ROBO1: variants seen among roughly 807,000 people sequenced by gnomAD.
ROBO1 encodes the protein roundabout guidance receptor 1.
Under a neutral mutation model 195.9 loss-of-function variants are expected in ROBO1, and 149 were observed. The observed-to-expected ratio is 0.76, with a 90% confidence interval of 0.67 to 0.87. The LOEUF (loss-of-function observed/expected upper bound fraction) is 0.87, where lower values mean the gene tolerates loss of function less well. ROBO1 is among the 40% of genes least tolerant of loss of function. The pLI is 0.00. For synonymous variants in ROBO1, 816 were observed against 733.2 expected (o/e 1.11, Z -1.82); for missense variants, 1,933 against 2,068.3 (o/e 0.93, Z 1.27).
At chr3:79,209,730 G>A (rs2081937559) in intron 2 of ROBO1, among the ~76,000 whole-genome samples, 1 of 151,946 alleles carries the variant, frequency 6.6e-6, no homozygotes, top group Admixed American at 6.6e-5. Context: ...ATCAAAACTG[G>A]AAAAGAGGAA....
intron 4 of ROBO1, among the ~76,000 whole-genome samples, chr3:78,837,124 G>A (rs6780786): frequency 2.5e-3 from 385 of 152,128 alleles, no homozygotes; most frequent in African/African-American, 8.4e-3. Context: ...AATGACATAC[G>A]ATAATTAAAA....
chr3:79,686,758 G>A (rs1465851261), intron 1 of ROBO1, among the ~76,000 whole-genome samples: 1 of 152,152 alleles, frequency 6.6e-6, no homozygotes, highest in South Asian at 2.1e-4. Flanking sequence ...CTCATGGGTA[G>A]GAAGAATCAA....
At position 78,761,261 on chromosome 3, in the gene ROBO1, T is replaced by TA. The variant is rs5850392; in HGVS notation, c.500-14362dup. On this transcript the variant is annotated intron_variant, in intron 4 of 30. Transcript: ENST00000464233. ...AAACCATTAGCAACTTCAAGAAACT[T>TA]AAAAAAAAAAATACAAAGATGTTTC... Among the ~76,000 whole-genome samples the TA allele has an allele frequency of 2.7e-4, 41 of 150,920 alleles. No individual in the cohort carries two copies. The South Asian group carries it at 4.8e-3, about 18-fold the overall frequency.
intron 2 of ROBO1, among the ~76,000 whole-genome samples, chr3:79,422,639 G>C (rs185525260): frequency 6.6e-6 from 1 of 151,994 alleles, no homozygotes; most frequent in Non-Finnish European, 1.5e-5. Flanking sequence ...AAATAAGAAT[G>C]GTCTTATGAG....
chr3:79,160,919 G>A (rs957750105), intron 2 of ROBO1, among the ~76,000 whole-genome samples: 7 of 151,966 alleles, frequency 4.6e-5, no homozygotes, highest in African/African-American at 7.2e-5. Flanking sequence ...TACTATGCAC[G>A]TAAAGAGAAT....
chr3:79,474,908 T>G (rs545782358), intron 2 of ROBO1, among the ~76,000 whole-genome samples: 1 of 152,182 alleles, frequency 6.6e-6, no homozygotes, highest in East Asian at 1.9e-4. Context: ...GATTTGTTTT[T>G]TGTTAATTTC....
chr3:79,701,305 T>A (rs1372121561), intron 1 of ROBO1, among the ~76,000 whole-genome samples: 1 of 151,816 alleles, frequency 6.6e-6, no homozygotes, highest in East Asian at 1.9e-4. Context: ...TTTGGGTATT[T>A]GAGCTCTGTT....
At chr3:79,385,791 AC>A (rs747748332) in intron 2 of ROBO1, among the ~76,000 whole-genome samples, 2 of 152,156 alleles carry the variant, frequency 1.3e-5, no homozygotes, top group Non-Finnish European at 2.9e-5. Flanking sequence ...AAAAAAACAT[AC>A]CTGGGAAGAA....
chr3:79,503,888 C>A (rs1308584757), intron 2 of ROBO1, among the ~76,000 whole-genome samples: 3 of 152,108 alleles, frequency 2.0e-5, no homozygotes, highest in Non-Finnish European at 4.4e-5. Flanking sequence ...AAATGGCCGT[C>A]TTATGGTTTA....
intron 5 of ROBO1, among the ~76,000 whole-genome samples, chr3:78,727,538 T>C (rs1195413120): frequency 6.6e-6 from 1 of 152,114 alleles, no homozygotes; most frequent in Non-Finnish European, 1.5e-5. Flanking sequence ...GGCAGGAGAA[T>C]GGCGTGAACC....
intron 2 of ROBO1, among the ~76,000 whole-genome samples, chr3:79,505,291 CAAAG>C (rs1225471770): frequency 6.6e-6 from 1 of 150,410 alleles, no homozygotes; most frequent in Non-Finnish European, 1.5e-5. Flanking sequence ...AAAAAAGAGA[CAAAG>C]AAAAGTAAGA....
intron 7 of ROBO1, chr3:78,715,216 A>T (rs1194976060): frequency 6.6e-6 from 1 of 152,176 alleles, no homozygotes; most frequent in Non-Finnish European, 1.5e-5. Flanking sequence ...CTAACTAATA[A>T]TTAGACATCA....
chr3:78,811,204 T>A (rs777191627), intron 4 of ROBO1, among the ~76,000 whole-genome samples: 1 of 152,200 alleles, frequency 6.6e-6, no homozygotes, highest in Non-Finnish European at 1.5e-5. Context: ...GTCTGCTGGC[T>A]AAAGTGCCAA....
intron 5 of ROBO1, among the ~76,000 whole-genome samples, chr3:78,742,773 G>A (rs1452044161): frequency 6.6e-6 from 1 of 152,114 alleles, no homozygotes; most frequent in Non-Finnish European, 1.5e-5. Flanking sequence ...TCATTTCATA[G>A]TCATAGGTTT....
intron 2 of ROBO1, among the ~76,000 whole-genome samples, chr3:79,135,171 C>G (rs972212722): frequency 7.9e-5 from 12 of 151,940 alleles, no homozygotes; most frequent in African/African-American, 2.9e-4. Flanking sequence ...ATTTTATGTC[C>G]TTTGGCCAGC....
intron 1 of ROBO1, among the ~76,000 whole-genome samples, chr3:79,620,168 G>A (rs911676841): frequency 1.3e-5 from 2 of 152,158 alleles, no homozygotes; most frequent in African/African-American, 4.8e-5. Flanking sequence ...CGTCTGTGCG[G>A]GACCCCACTG....
At chr3:78,690,805 A>C (rs1006075925) in intron 8 of ROBO1, among the ~76,000 whole-genome samples, 1 of 152,160 alleles carries the variant, frequency 6.6e-6, no homozygotes, top group African/African-American at 2.4e-5. Flanking sequence ...CACTTACTTA[A>C]GTAAAAAACT....
In ROBO1 at chr3:79,227,554, G is replaced by A. The variant is rs959603662; in HGVS notation, c.89-102015C>T. 5.9e-5 allele frequency among the ~76,000 whole-genome samples: 9 copies of A among 152,146 alleles called. No homozygotes were observed. In the East Asian group the frequency reaches 1.2e-3, roughly 20 times the overall value. Reference sequence around the variant, plus strand: ...ATCCTTGGCCAGCTCAGTGAATGTCGTCATTGAGTCACATGTGCAAATCTG... The same window carrying A: ...ATCCTTGGCCAGCTCAGTGAATGTCATCATTGAGTCACATGTGCAAATCTG... On this transcript the variant is annotated intron_variant, in intron 2 of 30. Coordinates refer to ENST00000464233, the MANE Select transcript of ROBO1 (RefSeq NM_002941.4).
chr3:78,880,494 A>G (rs1488281901), intron 4 of ROBO1, among the ~76,000 whole-genome samples: 7 of 152,308 alleles, frequency 4.6e-5, no homozygotes, highest in Admixed American at 1.3e-4. Flanking sequence ...AAAAATTAAC[A>G]TGGTAATAAT....
Sources: gnomAD v4.1 joint callset for allele counts (sites outside exome capture counted in the v4.1 genomes callset) on GRCh38, gnomAD v4.1.1 for gene constraint, MANE v1.5 for transcripts, NCBI Gene and HGNC (gene_info 2026-07-23, HGNC 2026-07-21) for gene names.